Variants in INSL6 observed in about 807,000 individuals in gnomAD.
INSL6 encodes insulin-like peptide INSL6.
INSL6 carries 16 observed loss-of-function variants against 9.4 expected under a neutral mutation model. The observed-to-expected ratio is 1.70, with a 90% confidence interval of 1.15 to 2.59. INSL6 has a LOEUF of 2.59. Among genes scored for constraint, INSL6 ranks in the 30% most tolerant of loss-of-function variants. INSL6 has a pLI of 0.00. For missense variants in INSL6, 391 were observed against 257.3 expected, an observed-to-expected ratio of 1.52 and a Z score of -3.56; for synonymous variants, 154 against 96.9, an observed-to-expected ratio of 1.59 and a Z score of -3.46.
In INSL6 at chr9:5,185,290, C is replaced by G. The variant is rs77527343; in HGVS notation, c.289+24G>C. 908 of 1,614,024 alleles carry G rather than the reference C, an allele frequency of 5.6e-4. No individual in the cohort carries two copies. The African/African-American group carries it at 0.011, about 20-fold the overall frequency. ...TAAGAAATATACAGAGGTGAACAAA[C>G]ATGCCTTCGGTTTCGATTTTTACCT... On this transcript the variant is annotated intron_variant, in intron 1 of 1. Transcript: ENST00000381641.
At chr9:5,041,011 C>T in the INSL6 span, 21 of 660,188 alleles carry the variant, frequency 3.2e-5, 1 homozygote, top group East Asian at 6.4e-4. Context: ...CCGGACCCCG[C>T]AGCTGCACCT....
chr9:5,026,979 AAGAGTATTC>A, the INSL6 span, among the ~76,000 whole-genome samples: 1 of 152,242 alleles, frequency 6.6e-6, no homozygotes, highest in Non-Finnish European at 1.5e-5. Context: ...TTGTTCTTTT[AAGAGTATTC>A]ATGACTTCTA....
At chr9:5,052,865 A>G in the INSL6 span, among the ~76,000 whole-genome samples, 5 of 152,042 alleles carry the variant, frequency 3.3e-5, no homozygotes, top group African/African-American at 1.2e-4. Context: ...CATTATATAG[A>G]TATACCACAT....
chr9:5,066,837 A>G, the INSL6 span: 4 of 774,812 alleles, frequency 5.2e-6, no homozygotes, highest in East Asian at 1.2e-4. Context: ...TAGTTCATTT[A>G]ATTTCCTCTC....
At chr9:5,022,349 C>A in the INSL6 span, 1 of 583,070 alleles carries the variant, frequency 1.7e-6, no homozygotes, top group South Asian at 2.6e-5. Context: ...TTTTCACATG[C>A]ATAGAAAATG....
chr9:5,060,140 A>G, the INSL6 span, among the ~76,000 whole-genome samples: 1 of 152,218 alleles, frequency 6.6e-6, no homozygotes, highest in Non-Finnish European at 1.5e-5. Context: ...AATTAATTTA[A>G]AACACTTTAT....
the INSL6 span, among the ~76,000 whole-genome samples, chr9:5,050,182 T>C: frequency 6.6e-6 from 1 of 152,366 alleles, no homozygotes; most frequent in East Asian, 1.9e-4. Context: ...TGATGTTATA[T>C]GTACTCTGTA....
chr9:5,116,553 G>A, the INSL6 span, among the ~76,000 whole-genome samples: 1 of 152,118 alleles, frequency 6.6e-6, no homozygotes, highest in Non-Finnish European at 1.5e-5. Flanking sequence ...AAAAATTAAA[G>A]AGGTTAAATA....
chr9:5,177,028 A>G (rs922884683), intron 1 of INSL6, among the ~76,000 whole-genome samples: 2 of 152,222 alleles, frequency 1.3e-5, no homozygotes, highest in Admixed American at 1.3e-4. Flanking sequence ...AAGTAATTTC[A>G]TGACTTTGAT....
At chr9:5,052,357 A>C in the INSL6 span, among the ~76,000 whole-genome samples, 1 of 152,068 alleles carries the variant, frequency 6.6e-6, no homozygotes, top group Non-Finnish European at 1.5e-5. Context: ...TGATTCTTTT[A>C]ACTCATGCTC....
the INSL6 span, chr9:5,099,287 A>C: frequency 1.3e-5 from 2 of 152,164 alleles, no homozygotes; most frequent in African/African-American, 2.4e-5. Context: ...CCTAGAACTA[A>C]TCCTCTTAAA....
At chr9:5,118,521 T>C in the INSL6 span, among the ~76,000 whole-genome samples, 106 of 152,322 alleles carry the variant, frequency 7.0e-4, 1 homozygote, top group South Asian at 6.8e-3. Flanking sequence ...ATTTGGATAA[T>C]TGCTTTAAAA....
intron 2 of INSL6, among the ~76,000 whole-genome samples, chr9:5,157,683 C>T (rs1586867455): frequency 6.6e-6 from 1 of 152,016 alleles, no homozygotes; most frequent in Admixed American, 6.5e-5. Flanking sequence ...AGTGAAACAC[C>T]CAAGTTCCTT....
the INSL6 span, among the ~76,000 whole-genome samples, chr9:5,010,315 A>T: frequency 1.3e-5 from 2 of 150,492 alleles, no homozygotes; most frequent in African/African-American, 4.9e-5. Flanking sequence ...CATGCTTTAA[A>T]CAATTGTCAG....
At chr9:5,033,808 G>C in the INSL6 span, among the ~76,000 whole-genome samples, 503 of 152,252 alleles carry the variant, frequency 3.3e-3, no homozygotes, top group African/African-American at 0.01. Flanking sequence ...AAAGACCATC[G>C]AGGCTAGGAA....
the INSL6 span, among the ~76,000 whole-genome samples, chr9:5,047,272 C>T: frequency 2.0e-5 from 3 of 152,108 alleles, no homozygotes; most frequent in East Asian, 3.9e-4. Flanking sequence ...AATATCTTGA[C>T]ATCTTTAAAT....
In INSL6 at chr9:5,125,964, TATTC is replaced by T. The variant is rs534408802; in HGVS notation, c.*11-1457_*11-1454del. Reference sequence around the variant, plus strand: ...AAGTTTTCTTTGTTGTATTTATGCTTATTCATTCATTTTTTCTTATATTCTCTTT... The same window carrying T: ...AAGTTTTCTTTGTTGTATTTATGCTTATTCATTTTTTCTTATATTCTCTTT... On this transcript the variant is annotated intron_variant, in intron 3 of 3. Coordinates refer to the INSL6 transcript ENST00000649639. 3.7e-4 allele frequency: 57 copies of T among 156,120 alleles called. 1 individual carries two copies. In the South Asian group the frequency reaches 4.3e-3, roughly 12 times the overall value. The allele number at this position is 156,120 out of a possible 1,614,324, so 9.7% of individuals were successfully genotyped here. A position where few individuals can be genotyped will look rare whatever the true frequency, so the allele number is the denominator to read the frequency against.
the INSL6 span, among the ~76,000 whole-genome samples, chr9:5,043,899 A>G: frequency 1.3e-5 from 2 of 152,232 alleles, no homozygotes; most frequent in African/African-American, 4.8e-5. Flanking sequence ...TGCTATGAAT[A>G]AACTAAAAAC....
At chr9:5,142,618 T>C (rs1269469431) in intron 2 of INSL6, among the ~76,000 whole-genome samples, 1 of 152,182 alleles carries the variant, frequency 6.6e-6, no homozygotes, top group Non-Finnish European at 1.5e-5. Context: ...ACTATGGGGT[T>C]TTCCAGATAT....
Sources: gnomAD v4.1 joint callset for allele counts (sites outside exome capture counted in the v4.1 genomes callset) on GRCh38, gnomAD v4.1.1 for gene constraint, MANE v1.5 for transcripts, NCBI Gene and HGNC (gene_info 2026-07-23, HGNC 2026-07-21) for gene names.